The following KSR2 variants were observed in gnomAD, a reference collection of about 807,000 sequenced individuals.
The protein encoded by KSR2 is kinase suppressor of ras 2.
In KSR2, 25 loss-of-function variants were observed where a neutral mutation model predicts 107.8. The observed-to-expected ratio is 0.23, with a 90% CI of 0.17 to 0.32. KSR2 has a LOEUF of 0.32. Ranked by LOEUF, KSR2 falls within the 10% of genes least tolerant of loss-of-function variation. KSR2 has a pLI of 1.00. For missense variants in KSR2, 887 were observed against 1,268.9 expected (o/e 0.70, Z 4.57); for synonymous variants, 480 against 507.0 (o/e 0.95, Z 0.71).
chr12:117,471,038 C>T (rs1871422072), intron 18 of KSR2, among the ~76,000 whole-genome samples, 153 bp downstream of exon 18: 1 of 152,208 alleles, frequency 6.6e-6, no homozygotes, highest in Non-Finnish European at 1.5e-5. Context: ...GCCTTTTAAG[C>T]TTCAAACTGC....
At chr12:117,885,850 C>A (rs1894160260) in intron 1 of KSR2, among the ~76,000 whole-genome samples, 1 of 151,998 alleles carries the variant, frequency 6.6e-6, no homozygotes, top group Non-Finnish European at 1.5e-5. Flanking sequence ...AATCCCAGCA[C>A]TTTGGGAGGC....
Position 117,600,188 on chromosome 12 carries a change from G to A in KSR2, c.1172-17829C>T, listed in dbSNP as rs544620210. Among the ~76,000 whole-genome samples the A allele has an allele frequency of 2.6e-5, 4 of 152,328 alleles. No individual in the cohort carries two copies. In the East Asian group the frequency reaches 7.7e-4, roughly 29 times the overall value. On this transcript the variant is annotated intron_variant, in intron 5 of 19. Coordinates refer to ENST00000339824, the MANE Select transcript of KSR2 (RefSeq NM_173598.6). ...AACTCAGGGCCAGTGCTCAAAGACGGTCTGATTGCAACCCTCCAGGAGGAA... is the reference window on the plus strand; with the variant it reads ...AACTCAGGGCCAGTGCTCAAAGACGATCTGATTGCAACCCTCCAGGAGGAA...
chr12:117,560,732 A>G (rs1878053050), intron 7 of KSR2, among the ~76,000 whole-genome samples: 1 of 152,188 alleles, frequency 6.6e-6, no homozygotes, highest in Non-Finnish European at 1.5e-5. Flanking sequence ...ATGAGGGTGG[A>G]TCCTTCACAA....
intron 14 of KSR2, among the ~76,000 whole-genome samples, chr12:117,512,285 T>C (rs1874072758): frequency 6.6e-6 from 1 of 152,186 alleles, no homozygotes; most frequent in African/African-American, 2.4e-5. Flanking sequence ...ACACTGAGTG[T>C]CCCAAGCTTC....
intron 3 of KSR2, among the ~76,000 whole-genome samples, chr12:117,837,019 T>C (rs1892243432): frequency 6.6e-6 from 1 of 152,194 alleles, no homozygotes; most frequent in Non-Finnish European, 1.5e-5. Context: ...TTTCTCCTCT[T>C]AATTGGTCTT....
chr12:117,738,422 C>A (rs1255688004), intron 4 of KSR2, among the ~76,000 whole-genome samples: 2 of 152,184 alleles, frequency 1.3e-5, no homozygotes, highest in Non-Finnish European at 2.9e-5. Flanking sequence ...GCCTACTATC[C>A]CCCCAGGCTG....
chr12:117,626,695 G>C (rs1457184271), intron 5 of KSR2, among the ~76,000 whole-genome samples: 1 of 152,188 alleles, frequency 6.6e-6, no homozygotes, highest in African/African-American at 2.4e-5. Flanking sequence ...ATTTGGGGTG[G>C]AGAGTTATGA....
chr12:117,792,956 GTGCACACACAACA>G (rs1890315514), intron 3 of KSR2, among the ~76,000 whole-genome samples: 1 of 107,706 alleles, frequency 9.3e-6, no homozygotes, highest in Non-Finnish European at 1.9e-5. Flanking sequence ...TCACACCAAC[GTGCACACACAACA>G]TGCACACACT....
At chr12:117,742,847 C>T (rs535809700) in intron 4 of KSR2, among the ~76,000 whole-genome samples, 3 of 152,288 alleles carry the variant, frequency 2.0e-5, no homozygotes, top group Non-Finnish European at 2.9e-5. Context: ...TTAACAAAAG[C>T]CACCACCCTC....
intron 14 of KSR2, among the ~76,000 whole-genome samples, chr12:117,517,529 T>G (rs1002549371): frequency 6.6e-6 from 1 of 152,236 alleles, no homozygotes; most frequent in African/African-American, 2.4e-5. Context: ...TGGTGAGGTC[T>G]TCAGCCATGC....
chr12:117,501,686 G>T (rs1303633174), intron 14 of KSR2, among the ~76,000 whole-genome samples: 1 of 152,172 alleles, frequency 6.6e-6, no homozygotes, highest in Non-Finnish European at 1.5e-5. Flanking sequence ...CTTGAACTCG[G>T]GCCAGTGCAT....
At chr12:117,844,686 G>A (rs1170626372) in intron 3 of KSR2, among the ~76,000 whole-genome samples, 1 of 151,874 alleles carries the variant, frequency 6.6e-6, no homozygotes, top group Non-Finnish European at 1.5e-5. Context: ...CACACCCAAG[G>A]ACTTTCCAGA....
chr12:117,671,108 A>G (rs556370542), intron 4 of KSR2, among the ~76,000 whole-genome samples: 4 of 152,230 alleles, frequency 2.6e-5, no homozygotes, highest in African/African-American at 9.6e-5. Context: ...TGCTGTCTCC[A>G]CCACCTGGAA....
intron 4 of KSR2, among the ~76,000 whole-genome samples, chr12:117,726,681 A>AACTG (rs368843860): frequency 1.1e-4 from 16 of 152,342 alleles, no homozygotes; most frequent in Middle Eastern, 3.4e-3. Flanking sequence ...GATATAGAGC[A>AACTG]ACTTGTCACA....
At chr12:117,872,555 A>G (rs1893685338) in intron 1 of KSR2, among the ~76,000 whole-genome samples, 1 of 150,814 alleles carries the variant, frequency 6.6e-6, no homozygotes, top group Non-Finnish European at 1.5e-5. Context: ...GCAGAGCAAG[A>G]CGCTGTCTCC....
chr12:117,619,697 C>A (rs574557748), intron 5 of KSR2, among the ~76,000 whole-genome samples: 3 of 150,334 alleles, frequency 2.0e-5, no homozygotes, highest in African/African-American at 7.4e-5. Context: ...ATACTAATAA[C>A]AACACACACA....
At position 117,703,109 on chromosome 12, in the gene KSR2, CAGAG is replaced by C. The variant is rs142282844; in HGVS notation, c.987-35455_987-35452del. Among the ~76,000 whole-genome samples the C allele has an allele frequency of 2.7e-5, 4 of 150,138 alleles. No individual in the cohort carries two copies. In the East Asian group the frequency reaches 5.8e-4, roughly 22 times the overall value. On this transcript the variant is annotated intron_variant, in intron 4 of 19. Transcript: ENST00000339824. Reference sequence around the variant, plus strand: ...AAGAAAGCCAGGATCAAACCAGGGTCAGAGAGAGAGAGAGAGAGACAAAGAGAAA... The same window carrying C: ...AAGAAAGCCAGGATCAAACCAGGGTCAGAGAGAGAGAGAGACAAAGAGAAA...
At chr12:117,803,688 G>A (rs1890913822) in intron 3 of KSR2, among the ~76,000 whole-genome samples, 1 of 152,148 alleles carries the variant, frequency 6.6e-6, no homozygotes, top group Non-Finnish European at 1.5e-5. Context: ...GGGCAACAGA[G>A]TGAAACTCCG....
chr12:117,714,360 C>G (rs1886900337), intron 4 of KSR2, among the ~76,000 whole-genome samples: 1 of 151,980 alleles, frequency 6.6e-6, no homozygotes, highest in Non-Finnish European at 1.5e-5. Flanking sequence ...GGTAAAAAAA[C>G]CTTGGGGAAG....
Sources: allele counts gnomAD v4.1 joint callset (sites outside exome capture counted in the v4.1 genomes callset), GRCh38; gene constraint gnomAD v4.1.1; transcripts MANE v1.5; gene names NCBI Gene and HGNC (gene_info 2026-07-23, HGNC 2026-07-21).